Variants in PCP4 observed in about 807,000 individuals in gnomAD.
The protein encoded by PCP4 is Purkinje cell protein 4, also known as calmodulin regulator protein PCP4.
A neutral mutation model predicts 10.0 loss-of-function variants in PCP4; 8 were observed. The ratio of observed to expected loss-of-function variants is 0.80; its 90% confidence interval spans 0.47 to 1.45. The LOEUF is 1.45. Among genes scored for constraint, PCP4 ranks in the 40% most tolerant of loss-of-function variants. The pLI is 0.00. For synonymous variants in PCP4, 21 were observed against 23.0 expected (o/e 0.91, Z 0.24); for missense variants, 54 against 74.4 (o/e 0.73, Z 1.01).
At chr21:39,889,202 T>TA (rs373835238) in intron 1 of PCP4, among the ~76,000 whole-genome samples, 53 of 152,114 alleles carry the variant, frequency 3.5e-4, no homozygotes, top group African/African-American at 1.3e-3. Flanking sequence ...ATAAAGCTCT[T>TA]ACGAATATTT....
intron 1 of PCP4, among the ~76,000 whole-genome samples, chr21:39,887,091 C>T (rs2087403873): frequency 6.6e-6 from 1 of 152,036 alleles, no homozygotes; most frequent in Admixed American, 6.5e-5. Flanking sequence ...AAATTAATTC[C>T]AATAAAATAA....
chr21:39,887,552 C>G lies in PCP4; in HGVS notation c.10-10924C>G, dbSNP rs79818046. 1.2e-3 allele frequency among the ~76,000 whole-genome samples: 181 copies of G among 152,314 alleles called. 2 individuals are homozygous for G. The highest frequency in any genetic ancestry group is 4.1e-3 in the African/African-American group (171 of 41,584). On this transcript the variant is annotated intron_variant, in intron 1 of 2. Transcript: ENST00000328619. ...AGGCATAAAAGTCTCTTCTGCTCAT[C>G]AGACAAATTCAGCAACTTTGATTTT...
At chr21:39,882,866 G>A (rs2087382349) in intron 1 of PCP4, among the ~76,000 whole-genome samples, 1 of 152,222 alleles carries the variant, frequency 6.6e-6, no homozygotes, top group African/African-American at 2.4e-5. Context: ...TCTAGGGATG[G>A]GGAGAGAAAT....
chr21:39,913,665 G>A (rs910002355), intron 2 of PCP4, among the ~76,000 whole-genome samples: 16 of 152,186 alleles, frequency 1.1e-4, no homozygotes, highest in African/African-American at 3.1e-4. Flanking sequence ...GTAGCCTCAG[G>A]CTTGAGATTT....
intron 2 of PCP4, among the ~76,000 whole-genome samples, chr21:39,901,415 G>A (rs1268309709): frequency 6.6e-6 from 1 of 152,222 alleles, no homozygotes; most frequent in African/African-American, 2.4e-5. Context: ...TAGGTCCTAT[G>A]TGTTCGATGT....
chr21:39,903,792 T>C (rs1054792035), intron 2 of PCP4, among the ~76,000 whole-genome samples: 3 of 139,272 alleles, frequency 2.2e-5, no homozygotes, highest in Non-Finnish European at 4.5e-5. Flanking sequence ...GGCGTGAACC[T>C]GGGAGGCGGA....
chr21:39,876,284 C>T (rs911807882), intron 1 of PCP4, among the ~76,000 whole-genome samples: 1 of 152,164 alleles, frequency 6.6e-6, no homozygotes, highest in Non-Finnish European at 1.5e-5. Context: ...TACCCCGCCC[C>T]TATCCTCTGG....
chr21:39,892,243 T>G (rs1223236909), intron 1 of PCP4, among the ~76,000 whole-genome samples: 2 of 152,236 alleles, frequency 1.3e-5, no homozygotes, highest in Non-Finnish European at 2.9e-5. Context: ...CGGTTATTCC[T>G]AGGTTATATC....
At chr21:39,909,819 G>A (rs562790191) in intron 2 of PCP4, among the ~76,000 whole-genome samples, 54 of 148,938 alleles carry the variant, frequency 3.6e-4, no homozygotes, top group African/African-American at 1.2e-3. Context: ...TTTTGACATG[G>A]AGTTTCGCTT....
chr21:39,922,965 C>A (rs2299796), intron 2 of PCP4, among the ~76,000 whole-genome samples: 19,425 of 152,136 alleles, frequency 0.13, 1,319 homozygotes, highest in South Asian at 0.23. Flanking sequence ...GGTTTCCCCT[C>A]GTCTTCTAGT....
intron 2 of PCP4, among the ~76,000 whole-genome samples, chr21:39,927,283 T>C (rs143538168): frequency 1.3e-5 from 1 of 74,932 alleles, no homozygotes; most frequent in Non-Finnish European, 3.3e-5. Context: ...CTCTCTGATC[T>C]ATCTATCTAT....
chr21:39,913,135 T>A (rs2087549023), intron 2 of PCP4, among the ~76,000 whole-genome samples: 1 of 152,174 alleles, frequency 6.6e-6, no homozygotes, highest in Non-Finnish European at 1.5e-5. Flanking sequence ...ATATAAGAAC[T>A]CATCTTCCTG....
intron 2 of PCP4, among the ~76,000 whole-genome samples, chr21:39,915,287 C>A (rs1343049501): frequency 6.6e-6 from 1 of 152,018 alleles, no homozygotes; most frequent in Admixed American, 6.6e-5. Flanking sequence ...GAAATGACCA[C>A]CCATTTCAGA....
rs555088156 is a variant in PCP4, at chr21:39,906,006, T to C, written c.61+7479T>C. On this transcript the variant is annotated intron_variant, in intron 2 of 2. Transcript: ENST00000328619. The surrounding 1 kb of genome is among the most constrained non-coding windows in gnomAD (Gnocchi z 6.3). The stretch of plus-strand genomic sequence containing the variant: ...CAGAGCTTGCAGTGAGCCGAGACCA[T>C]GCCACTGCACTCCAACCTGGGTGAC... Among the ~76,000 whole-genome samples, 34 of 152,156 alleles carry C rather than the reference T, an allele frequency of 2.2e-4. No individual in the cohort carries two copies. Among genetic ancestry groups the C allele is most frequent in the Non-Finnish European group, 4.4e-4 (30 of 68,020 alleles).
intron 2 of PCP4, chr21:39,926,071 C>T (rs1002068528): frequency 2.2e-5 from 10 of 456,086 alleles, no homozygotes; most frequent in Non-Finnish European, 3.5e-5. Flanking sequence ...CTCTTCCTTA[C>T]ACACTCCTGA....
intron 2 of PCP4, among the ~76,000 whole-genome samples, chr21:39,908,714 G>T (rs781524442): frequency 6.6e-6 from 1 of 152,146 alleles, no homozygotes; most frequent in Admixed American, 6.5e-5. Flanking sequence ...GCGGCTCCAG[G>T]TGCTCTCTGG....
chr21:39,892,371 A>C (rs1019585425), intron 1 of PCP4, among the ~76,000 whole-genome samples: 11 of 152,250 alleles, frequency 7.2e-5, no homozygotes, highest in Admixed American at 6.5e-4. Flanking sequence ...CCTTATTCTA[A>C]CTATTTTCTT....
chr21:39,889,006 G>A (rs940974379), intron 1 of PCP4, among the ~76,000 whole-genome samples: 1 of 152,208 alleles, frequency 6.6e-6, no homozygotes, highest in Non-Finnish European at 1.5e-5. Context: ...AGCCGTGAGA[G>A]GCTGACAGCA....
intron 2 of PCP4, among the ~76,000 whole-genome samples, chr21:39,920,405 T>G (rs2087591486): frequency 6.7e-6 from 1 of 150,080 alleles, no homozygotes; most frequent in African/African-American, 2.5e-5. Context: ...GGTGTGTTTG[T>G]GTGAGTGTGT....
Sources: gnomAD v4.1 joint callset for allele counts (sites outside exome capture counted in the v4.1 genomes callset) on GRCh38, gnomAD v4.1.1 for gene constraint, Gnocchi (gnomAD v3.1) non-coding constraint, MANE v1.5 for transcripts, NCBI Gene and HGNC (gene_info 2026-07-23, HGNC 2026-07-21) for gene names.